TRAPPC12: variants seen among roughly 807,000 people sequenced by gnomAD.
TRAPPC12 encodes TPR repeat protein 15.
TRAPPC12 carries 61 observed loss-of-function variants against 69.2 expected under a neutral mutation model. The observed-to-expected ratio is 0.88, with a 90% CI of 0.72 to 1.09. The LOEUF (loss-of-function observed/expected upper bound fraction) is 1.09, where lower values mean the gene tolerates loss of function less well. Among genes scored for constraint, TRAPPC12 ranks in the 50% least tolerant of loss-of-function variants. TRAPPC12 has a pLI of 0.00. For synonymous variants in TRAPPC12, 469 were observed against 438.9 expected, an observed-to-expected ratio of 1.07 and a Z score of -0.86; for missense variants, 1,101 against 1,016.4, an observed-to-expected ratio of 1.08 and a Z score of -1.13.
At chr2:3,415,945 T>C (rs1455440337) in intron 3 of TRAPPC12, among the ~76,000 whole-genome samples, 3 of 151,166 alleles carry the variant, frequency 2.0e-5, no homozygotes, top group Non-Finnish European at 3.0e-5. Context: ...CTCGATCTCC[T>C]GACCTCATGA....
chr2:3,388,829 A>T, intron 2 of TRAPPC12, 159 bp downstream of exon 2: 1 of 722,596 alleles, frequency 1.4e-6, no homozygotes, highest in Non-Finnish European at 2.1e-6. Context: ...CTGGGTAATT[A>T]GGGATCTGTT....
chr2:3,435,211 G>A (rs1454754004), intron 5 of TRAPPC12, among the ~76,000 whole-genome samples: 2 of 152,002 alleles, frequency 1.3e-5, no homozygotes, highest in Non-Finnish European at 2.9e-5. Context: ...CGGGGTTTTC[G>A]CCATGTTGGC....
chr2:3,476,295 G>A (rs889226865), intron 9 of TRAPPC12, among the ~76,000 whole-genome samples: 3 of 152,130 alleles, frequency 2.0e-5, no homozygotes, highest in Admixed American at 1.3e-4. Context: ...ATGGATGCTG[G>A]CAAAAAATGT....
intron 8 of TRAPPC12, chr2:3,462,871 A>T (rs1208877532): frequency 4.3e-6 from 2 of 469,964 alleles, no homozygotes; most frequent in Non-Finnish European, 8.8e-6. Flanking sequence ...GCCAGTATGC[A>T]CATCAGAACC....
intron 6 of TRAPPC12, among the ~76,000 whole-genome samples, chr2:3,448,689 A>C (rs1333952046): frequency 1.0e-4 from 15 of 146,254 alleles, no homozygotes; most frequent in Admixed American, 1.0e-3. Context: ...CGTGGAGAGC[A>C]GCCGGTTACG....
At chr2:3,449,285 A>G (rs1664720864) in intron 6 of TRAPPC12, 1 of 152,322 alleles carries the variant, frequency 6.6e-6, no homozygotes, top group Non-Finnish European at 1.5e-5. Context: ...GACATAATCC[A>G]TACGGAATGA....
At position 3,414,632 on chromosome 2, in the gene TRAPPC12, C is replaced by T. The variant is rs767358269; in HGVS notation, c.1165-7249C>T. 1.1e-4 allele frequency among the ~76,000 whole-genome samples: 16 copies of T among 152,142 alleles called. No homozygotes were observed. Among genetic ancestry groups the T allele is most frequent in the Non-Finnish European group, 2.2e-4 (15 of 68,000 alleles). Reference sequence around the variant, plus strand: ...CCTGAATCCTCAGGCATCAGTGCCTCACAGAGCTGTGTGCCAGCAGTGTCC... The same window carrying T: ...CCTGAATCCTCAGGCATCAGTGCCTTACAGAGCTGTGTGCCAGCAGTGTCC... On this transcript the variant is annotated intron_variant, in intron 3 of 11. Coordinates refer to ENST00000324266, the MANE Select transcript of TRAPPC12 (RefSeq NM_016030.6). The surrounding 1 kb of genome is among the most constrained non-coding windows in gnomAD (Gnocchi z 4.9).
intron 5 of TRAPPC12, among the ~76,000 whole-genome samples, chr2:3,428,801 G>A (rs554745216): frequency 4.6e-5 from 7 of 152,228 alleles, no homozygotes; most frequent in African/African-American, 1.7e-4. Flanking sequence ...ACCCAGCCCC[G>A]CGCCCCCGGA....
intron 6 of TRAPPC12, 143 bp downstream of exon 6, chr2:3,444,034 T>G: frequency 3.2e-6 from 2 of 631,680 alleles, no homozygotes; most frequent in Non-Finnish European, 5.6e-6. Context: ...GGTGACCCGG[T>G]TTGTGTGGCC....
At chr2:3,433,937 A>G (rs1663609969) in intron 5 of TRAPPC12, among the ~76,000 whole-genome samples, 1 of 151,954 alleles carries the variant, frequency 6.6e-6, no homozygotes, top group African/African-American at 2.4e-5. Context: ...GACGGGCCTC[A>G]GGGCTGGTGT....
intron 8 of TRAPPC12, among the ~76,000 whole-genome samples, chr2:3,464,634 C>T (rs1665708919): frequency 6.6e-6 from 1 of 152,258 alleles, no homozygotes; most frequent in South Asian, 2.1e-4. Context: ...GCCTGCCGCA[C>T]ACAGCTCGCT....
chr2:3,457,945 C>T (rs1435058932), intron 7 of TRAPPC12: 1 of 1,384,956 alleles, frequency 7.2e-7, no homozygotes, highest in Non-Finnish European at 9.3e-7. Flanking sequence ...CACAAAAGCA[C>T]ACGGCCCGGA....
intron 3 of TRAPPC12, among the ~76,000 whole-genome samples, chr2:3,412,808 T>C (rs1662139241): frequency 6.6e-6 from 1 of 152,152 alleles, no homozygotes; most frequent in African/African-American, 2.4e-5. Flanking sequence ...GTTCTGTTGT[T>C]TTAGACCTGG....
chr2:3,420,553 G>T (rs1415241653), intron 3 of TRAPPC12, among the ~76,000 whole-genome samples: 1 of 152,210 alleles, frequency 6.6e-6, no homozygotes, highest in Non-Finnish European at 1.5e-5. Context: ...TGAGCCTGCA[G>T]TGTGAGTGTG....
chr2:3,429,662 C>T (rs1663317459), intron 5 of TRAPPC12, among the ~76,000 whole-genome samples: 1 of 152,130 alleles, frequency 6.6e-6, no homozygotes, highest in Non-Finnish European at 1.5e-5. Context: ...CGTCTATTTA[C>T]TGTTTACTTT....
At chr2:3,456,483 A>G (rs1665158799) in intron 6 of TRAPPC12, 1 of 152,272 alleles carries the variant, frequency 6.6e-6, no homozygotes, top group South Asian at 2.1e-4. Flanking sequence ...GTTGCACAAA[A>G]CGTATTTGGT....
At chr2:3,459,994 C>G (rs1412215794) in intron 7 of TRAPPC12, 3 of 556,970 alleles carry the variant, frequency 5.4e-6, no homozygotes, top group Non-Finnish European at 6.4e-6. Flanking sequence ...GACCATTTGG[C>G]CTTGTGTCTG....
chr2:3,381,737 G>T (rs1045810372), intron 1 of TRAPPC12, among the ~76,000 whole-genome samples: 4 of 152,172 alleles, frequency 2.6e-5, no homozygotes, highest in Non-Finnish European at 5.9e-5. Flanking sequence ...ATAAGATGGG[G>T]ACCATTTCCC....
intron 10 of TRAPPC12, 176 bp from the exon 11 acceptor site, chr2:3,478,670 A>G: frequency 1.7e-6 from 1 of 580,974 alleles, no homozygotes; most frequent in Non-Finnish European, 3.1e-6. Flanking sequence ...AGTGGCTTTA[A>G]TGTGCGAGCC....
Sources: gnomAD v4.1 joint callset for allele counts (sites outside exome capture counted in the v4.1 genomes callset) on GRCh38, gnomAD v4.1.1 for gene constraint, Gnocchi (gnomAD v3.1) non-coding constraint, MANE v1.5 for transcripts, NCBI Gene and HGNC (gene_info 2026-07-23, HGNC 2026-07-21) for gene names.